Variants in SAMD8 observed in about 807,000 individuals in gnomAD.
The protein encoded by SAMD8 is sterile alpha motif domain containing 8.
In SAMD8, 20 loss-of-function variants were observed where a neutral mutation model predicts 42.0. The observed-to-expected ratio is 0.48, with a 90% confidence interval of 0.34 to 0.69. The LOEUF is 0.69. Ranked by LOEUF, SAMD8 falls within the 30% of genes least tolerant of loss-of-function variation. SAMD8 has a pLI of 0.01. For missense variants in SAMD8, 328 were observed against 511.6 expected, an observed-to-expected ratio of 0.64 and a Z score of 3.46; for synonymous variants, 162 against 173.0, an observed-to-expected ratio of 0.94 and a Z score of 0.50.
upstream of SAMD8, among the ~76,000 whole-genome samples, chr10:75,110,638 T>A (rs1404647255): frequency 6.6e-6 from 1 of 152,184 alleles, no homozygotes; most frequent in Non-Finnish European, 1.5e-5. Flanking sequence ...ACTTGGTTTA[T>A]GCCAATGCTA....
At chr10:75,105,203 A>G (rs1057185523) in intron 1 of SAMD8, among the ~76,000 whole-genome samples, 3 of 152,054 alleles carry the variant, frequency 2.0e-5, no homozygotes, top group Non-Finnish European at 2.9e-5. Context: ...GTCCAGACCT[A>G]GGGGGAAGGG....
intron 1 of SAMD8, among the ~76,000 whole-genome samples, chr10:75,119,436 C>A (rs562233274): frequency 2.0e-5 from 3 of 152,052 alleles, no homozygotes; most frequent in Non-Finnish European, 4.4e-5. Context: ...GGATTACAGG[C>A]GTGAATCAAT....
chr10:75,162,728 G>A (rs1009485711), intron 2 of SAMD8, among the ~76,000 whole-genome samples: 7 of 151,680 alleles, frequency 4.6e-5, no homozygotes, highest in African/African-American at 1.7e-4. Context: ...CAGGAGGATT[G>A]GAAAATACAA....
chr10:75,129,828 G>A (rs1449241960), intron 1 of SAMD8, among the ~76,000 whole-genome samples: 2 of 152,086 alleles, frequency 1.3e-5, no homozygotes, highest in Non-Finnish European at 2.9e-5. Flanking sequence ...AAACAACTAG[G>A]TAAATCTAGA....
intron 2 of SAMD8, 143 bp from the exon 3 acceptor site, chr10:75,164,502 G>C (rs1840630921): frequency 1.4e-6 from 2 of 1,391,388 alleles, no homozygotes; most frequent in African/African-American, 2.9e-5. Context: ...TTTTCTCCCA[G>C]TTTCTCCAAA....
intron 1 of SAMD8, among the ~76,000 whole-genome samples, chr10:75,123,783 A>G (rs1849061301): frequency 6.6e-6 from 1 of 151,554 alleles, no homozygotes; most frequent in Non-Finnish European, 1.5e-5. Context: ...CTCTGCCTCC[A>G]GGGCTCAAGC....
chr10:75,105,495 A>G (rs1271105201), intron 1 of SAMD8, among the ~76,000 whole-genome samples: 4 of 152,146 alleles, frequency 2.6e-5, no homozygotes, highest in African/African-American at 9.7e-5. Flanking sequence ...AGGTTAAGGG[A>G]ACCCAGCAGT....
At chr10:75,159,036 T>C (rs1255857591) in intron 2 of SAMD8, among the ~76,000 whole-genome samples, 4 of 151,750 alleles carry the variant, frequency 2.6e-5, no homozygotes, top group African/African-American at 9.7e-5. Flanking sequence ...TGCAAAGTTT[T>C]GTGTAGACAA....
intron 1 of SAMD8, among the ~76,000 whole-genome samples, chr10:75,142,159 G>A (rs1346001410): frequency 6.6e-6 from 1 of 151,706 alleles, no homozygotes; most frequent in East Asian, 2.0e-4. Context: ...TGTTAGCCAG[G>A]CTGGTCTTAA....
chr10:75,124,969 C>T (rs754521647), intron 1 of SAMD8, among the ~76,000 whole-genome samples: 23 of 151,670 alleles, frequency 1.5e-4, no homozygotes, highest in South Asian at 6.2e-4. Flanking sequence ...TTGTTTTTTA[C>T]AGAGATGGGA....
chr10:75,108,593 T>C (rs749001220), upstream of SAMD8, among the ~76,000 whole-genome samples: 44 of 152,082 alleles, frequency 2.9e-4, no homozygotes, highest in Non-Finnish European at 5.4e-4. Context: ...AACCTACAAA[T>C]GTTTAGAGGC....
intron 1 of SAMD8, among the ~76,000 whole-genome samples, chr10:75,137,807 G>C (rs974014949): frequency 2.0e-5 from 3 of 152,108 alleles, no homozygotes; most frequent in Non-Finnish European, 4.4e-5. Context: ...GGTAATTGTG[G>C]CACAACATTG....
chr10:75,175,251 A>C (rs1840965704), intron 4 of SAMD8, among the ~76,000 whole-genome samples: 1 of 152,240 alleles, frequency 6.6e-6, no homozygotes, highest in African/African-American at 2.4e-5. Context: ...CCTAGCTACA[A>C]GGGAGGCTGG....
intron 1 of SAMD8, among the ~76,000 whole-genome samples, chr10:75,142,753 C>T (rs968070904): frequency 2.7e-5 from 4 of 150,926 alleles, no homozygotes; most frequent in East Asian, 2.0e-4. Context: ...TTTAAAGAAA[C>T]TTAAGGCCGG....
At chr10:75,148,876 T>C (rs748618449) in intron 1 of SAMD8, among the ~76,000 whole-genome samples, 1 of 152,176 alleles carries the variant, frequency 6.6e-6, no homozygotes, top group Non-Finnish European at 1.5e-5. Flanking sequence ...TAAAGTTTAA[T>C]CTAACATATA....
At chr10:75,123,907 T>C (rs2134432677) in intron 1 of SAMD8, among the ~76,000 whole-genome samples, 1 of 152,246 alleles carries the variant, frequency 6.6e-6, no homozygotes, top group Admixed American at 6.5e-5. Context: ...TTTTGTATTT[T>C]AGTAGAGACG....
At chr10:75,105,560 G>A (rs1848440318) in intron 1 of SAMD8, 1 of 1,195,372 alleles carries the variant, frequency 8.4e-7, no homozygotes, top group East Asian at 2.6e-5. Context: ...ACACAGCCCT[G>A]CCAACCAATC....
At chr10:75,121,220 A>G (rs912252176) in intron 1 of SAMD8, among the ~76,000 whole-genome samples, 1 of 152,236 alleles carries the variant, frequency 6.6e-6, no homozygotes, top group African/African-American at 2.4e-5. Flanking sequence ...GAGGCCCAAG[A>G]AAGTTATGTA....
chr10:75,162,649 CA>C (rs11354181), intron 2 of SAMD8, among the ~76,000 whole-genome samples: 24,622 of 90,158 alleles, frequency 0.27, 1,717 homozygotes, highest in African/African-American at 0.39. Flanking sequence ...AACTCCGTCT[CA>C]AAAAAAAAAA....
Sources: gnomAD v4.1 joint callset for allele counts (sites outside exome capture counted in the v4.1 genomes callset) on GRCh38, gnomAD v4.1.1 for gene constraint, MANE v1.5 for transcripts, NCBI Gene and HGNC (gene_info 2026-07-23, HGNC 2026-07-21) for gene names.